DBF4B: variants seen among roughly 807,000 people sequenced by gnomAD.
DBF4B encodes the protein DBF4B-CDC7 kinase regulatory subunit.
A neutral mutation model predicts 53.4 loss-of-function variants in DBF4B; 49 were observed. The observed-to-expected ratio is 0.92, with a 90% CI of 0.73 to 1.16. The LOEUF (loss-of-function observed/expected upper bound fraction) is 1.16, where lower values mean the gene tolerates loss of function less well. DBF4B is among the 50% of genes most tolerant of loss of function. The probability of loss-of-function intolerance (pLI) is 0.00; values close to 1 mark genes in which losing one functional copy is unlikely to be tolerated. For missense variants in DBF4B, 692 were observed against 775.0 expected, an observed-to-expected ratio of 0.89 and a Z score of 1.27; for synonymous variants, 257 against 288.7, an observed-to-expected ratio of 0.89 and a Z score of 1.11.
rs1311082881 is a variant in DBF4B at position 44,751,031 on chromosome 17, A to C, written c.1626A>C (p.Gly542=). The C allele has an allele frequency of 1.2e-6, 2 of 1,614,022 alleles. No homozygotes were observed. Among genetic ancestry groups the C allele is most frequent in the South Asian group, 2.2e-5 (2 of 91,072 alleles). ...EVSPCPCLRL[G]YLYLLLTQSL... is the part of the protein sequence containing the mutation. ...CCCCTTGCCCCTGTCTCAGACTTGGATACCTTTACCTGCTGCTCACACAAA... is the reference window on the plus strand; with the variant it reads ...CCCCTTGCCCCTGTCTCAGACTTGGCTACCTTTACCTGCTGCTCACACAAA... Residue 542 remains glycine, a synonymous_variant, in exon 14 of 14, where the codon GGA becomes GGC. Transcript: ENST00000315005.
intron 2 of DBF4B, among the ~76,000 whole-genome samples, chr17:44,714,102 T>A (rs1973131721): frequency 6.6e-6 from 1 of 152,088 alleles, no homozygotes; most frequent in Admixed American, 6.6e-5. Flanking sequence ...AGTTTTCACT[T>A]GTAAGTGGGA....
intron 13 of DBF4B, chr17:44,748,998 AG>A (rs1227794477): frequency 5.4e-6 from 7 of 1,289,804 alleles, no homozygotes; most frequent in Non-Finnish European, 7.1e-6. Flanking sequence ...GGTGGCCCCC[AG>A]GGCCTGAGGA....
Position 44,724,006 on chromosome 17 carries a change from T to G in DBF4B, c.225+984T>G, listed in dbSNP as rs114583272. ...CATGACTGTAGTTGGGAGGCTGAGG[T>G]AGGAGGATCACTTGAGCCCAAAAGG... On this transcript the variant is annotated intron_variant, in intron 3 of 13. Transcript: ENST00000315005. Among the ~76,000 whole-genome samples the G allele has an allele frequency of 5.2e-3, 791 of 151,830 alleles. 5 individuals are homozygous for G. The highest frequency in any genetic ancestry group is 0.018 in the African/African-American group (759 of 41,386).
At chr17:44,724,914 T>C (rs1974163152) in intron 3 of DBF4B, among the ~76,000 whole-genome samples, 1 of 152,052 alleles carries the variant, frequency 6.6e-6, no homozygotes, top group Admixed American at 6.6e-5. Flanking sequence ...GTCAGGAGTT[T>C]GAGACCAGCC....
rs79672116 is a variant in DBF4B, at chr17:44,729,370, T to TA, written c.226-521dup. ...GTGCATGTAACAACACCCAGCTAATTAAAAAAAAAAAAAATTTTAGAGACA... is the reference window on the plus strand; with the variant it reads ...GTGCATGTAACAACACCCAGCTAATTAAAAAAAAAAAAAAATTTTAGAGACA... On this transcript the variant is annotated intron_variant, in intron 3 of 13. Coordinates refer to ENST00000315005, the MANE Select transcript of DBF4B (RefSeq NM_145663.3). 1.4e-3 allele frequency among the ~76,000 whole-genome samples: 193 copies of TA among 141,920 alleles called. 1 individual carries two copies. The highest frequency in any genetic ancestry group is 3.6e-3 in the Middle Eastern group (1 of 276). The allele number at this position is 141,920 out of a possible 152,430, so 93.1% of individuals were successfully genotyped here. A position where few individuals can be genotyped will look rare whatever the true frequency, so the allele number is the denominator to read the frequency against.
intron 2 of DBF4B, among the ~76,000 whole-genome samples, chr17:44,713,964 A>AT (rs1483818840): frequency 6.6e-6 from 1 of 151,392 alleles, no homozygotes; most frequent in Non-Finnish European, 1.5e-5. Context: ...TAAATTCTAT[A>AT]TTTTTTACAC....
intron 2 of DBF4B, among the ~76,000 whole-genome samples, chr17:44,715,846 A>T (rs1598762704): frequency 1.1e-5 from 1 of 90,624 alleles, no homozygotes. Context: ...TTTTTGAGGC[A>T]GAGTCTTGCT....
At chr17:44,748,662 A>G (rs1198420361) in intron 13 of DBF4B, 197 bp downstream of exon 13, 1 of 1,470,356 alleles carries the variant, frequency 6.8e-7, no homozygotes, top group African/African-American at 1.4e-5. Context: ...GTTTTATGGA[A>G]CTCTCCTCTG....
chr17:44,713,293 C>G (rs775891583), intron 2 of DBF4B, among the ~76,000 whole-genome samples: 16 of 148,328 alleles, frequency 1.1e-4, no homozygotes, highest in South Asian at 2.1e-4. Context: ...CACCTGCCTC[C>G]GCCTCCCAAA....
chr17:44,742,463 C>T (rs1407883076), intron 10 of DBF4B, among the ~76,000 whole-genome samples: 1 of 151,556 alleles, frequency 6.6e-6, no homozygotes, highest in African/African-American at 2.4e-5. Flanking sequence ...TGCCTGTAGT[C>T]CCACTTACTC....
At chr17:44,732,725 G>C (rs1434352777) in intron 6 of DBF4B, 1 of 156,648 alleles carries the variant, frequency 6.4e-6, no homozygotes, top group Non-Finnish European at 1.4e-5. Context: ...CATTAGCCGA[G>C]CCTGGTGGTG....
intron 9 of DBF4B, 25 bp from the exon 10 acceptor site, chr17:44,741,311 A>T (rs765628923): frequency 3.2e-6 from 5 of 1,561,628 alleles, no homozygotes; most frequent in Non-Finnish European, 4.4e-6. Flanking sequence ...CATTGTAGTC[A>T]AAGTGGAAGT....
chr17:44,748,462 T>G lies in DBF4B; in HGVS notation c.1186T>G (p.Ser396Ala). The G allele has an allele frequency of 6.2e-7, 1 of 1,613,900 alleles. No homozygotes were observed. Among genetic ancestry groups the G allele is most frequent in the Non-Finnish European group, 8.5e-7 (1 of 1,179,866 alleles). Residue 396 changes from serine (S) to alanine (A), a missense_variant, in exon 13 of 14, where the codon TCA becomes GCA. By Grantham distance (99) the Ser-to-Ala change is moderately conservative. Coordinates refer to ENST00000315005, the MANE Select transcript of DBF4B (RefSeq NM_145663.3). The stretch of plus-strand genomic sequence containing the variant: ...AAGGAAAGAAGACAGCTGCCAGGCA[T>G]CAGGTATCCCAGAGCAGGATGGGAC... Reference protein sequence around the residue: ...RIRKEDSCQASVTQGRAAGQQ... With the variant: ...RIRKEDSCQAAVTQGRAAGQQ...
intron 4 of DBF4B, 128 bp from the exon 5 acceptor site, chr17:44,730,837 T>C: frequency 1.1e-6 from 1 of 890,374 alleles, no homozygotes. Context: ...CAATCCTCAG[T>C]TGTCACTGCT....
chr17:44,748,739 G>C (rs772084745), intron 13 of DBF4B: 11 of 1,362,728 alleles, frequency 8.1e-6, no homozygotes, highest in Admixed American at 4.4e-5. Flanking sequence ...GCTAAGAAGA[G>C]AGTGGGGGCC....
intron 3 of DBF4B, among the ~76,000 whole-genome samples, chr17:44,727,525 C>G (rs905408138): frequency 6.6e-6 from 1 of 152,106 alleles, no homozygotes; most frequent in African/African-American, 2.4e-5. Context: ...TCTTTGCTGT[C>G]AAACCCAGAA....
chr17:44,748,890 C>T, intron 13 of DBF4B: 1 of 1,290,354 alleles, frequency 7.7e-7, no homozygotes. Context: ...CCTTGTGCCA[C>T]TCACAGACCT....
chr17:44,718,546 T>C (rs867609656), intron 2 of DBF4B, among the ~76,000 whole-genome samples: 12 of 152,012 alleles, frequency 7.9e-5, no homozygotes, highest in South Asian at 2.1e-4. Flanking sequence ...CACCTCTAAA[T>C]TTGGGTTTGT....
Position 44,751,796 on chromosome 17 carries a change from A to C in DBF4B, c.*543A>C. ...TCTATTCCAAGGTCATGGACAGGCT[A>C]CTGGTGACCAAAGTTGGTTCCTTTT... On this transcript the variant is annotated 3_prime_UTR_variant, in exon 14 of 14. Coordinates refer to ENST00000315005, the MANE Select transcript of DBF4B (RefSeq NM_145663.3). The C allele has an allele frequency of 6.6e-7, 1 of 1,522,578 alleles. No individual in the cohort carries two copies. The highest frequency in any genetic ancestry group is 8.8e-7 in the Non-Finnish European group (1 of 1,139,196). The allele number at this position is 1,522,578 out of a possible 1,614,324, so 94.3% of individuals were successfully genotyped here. A position where few individuals can be genotyped will look rare whatever the true frequency, so the allele number is the denominator to read the frequency against.
Sources: allele counts gnomAD v4.1 joint callset (sites outside exome capture counted in the v4.1 genomes callset), GRCh38; gene constraint gnomAD v4.1.1; transcripts MANE v1.5; gene names NCBI Gene and HGNC (gene_info 2026-07-23, HGNC 2026-07-21).